Variants in SLC9A9 observed in about 807,000 individuals in gnomAD.
SLC9A9 encodes solute carrier family 9 member A9, also known as sodium/hydrogen exchanger 9.
A neutral mutation model predicts 77.8 loss-of-function variants in SLC9A9; 62 were observed. The observed-to-expected ratio is 0.80, with a 90% CI of 0.65 to 0.98. The LOEUF (loss-of-function observed/expected upper bound fraction) is 0.98, where lower values mean the gene tolerates loss of function less well. Ranked by LOEUF, SLC9A9 falls within the 50% of genes least tolerant of loss-of-function variation. The pLI is 0.00. For missense variants in SLC9A9, 775 were observed against 774.9 expected (o/e 1.00, Z 0.00); for synonymous variants, 320 against 283.5 (o/e 1.13, Z -1.29).
In SLC9A9 at chr3:143,644,086, G is replaced by A. The variant is rs189317973; in HGVS notation, c.755+8169C>T. On this transcript the variant is annotated intron_variant, in intron 6 of 15. Transcript: ENST00000316549. Reference sequence around the variant, plus strand: ...ATGAGGCTAGCACTCAGAGACAATCGGGGCCAAGAGAGAAAAAGAACAGAT... The same window carrying A: ...ATGAGGCTAGCACTCAGAGACAATCAGGGCCAAGAGAGAAAAAGAACAGAT... Among the ~76,000 whole-genome samples the A allele has an allele frequency of 6.6e-4, 100 of 152,116 alleles. 1 individual carries two copies. The highest frequency in any genetic ancestry group is 2.2e-3 in the African/African-American group (91 of 41,490).
chr3:143,535,279 T>C (rs370379542), intron 9 of SLC9A9, among the ~76,000 whole-genome samples: 107 of 152,326 alleles, frequency 7.0e-4, no homozygotes, highest in African/African-American at 2.5e-3. Context: ...TTAGAGTTCT[T>C]TCATGAAAGT....
At chr3:143,347,767 G>C (rs964248978) in intron 14 of SLC9A9, among the ~76,000 whole-genome samples, 5 of 152,094 alleles carry the variant, frequency 3.3e-5, no homozygotes, top group African/African-American at 1.2e-4. Context: ...CCAAATACTT[G>C]AGATGTATTT....
chr3:143,348,555 G>A (rs914370266), intron 14 of SLC9A9, among the ~76,000 whole-genome samples: 2 of 152,086 alleles, frequency 1.3e-5, no homozygotes, highest in African/African-American at 4.8e-5. Context: ...AGAGGGCTAG[G>A]CATCTCTTTT....
chr3:143,817,203 C>T (rs2009042039), intron 2 of SLC9A9, among the ~76,000 whole-genome samples: 1 of 148,570 alleles, frequency 6.7e-6, no homozygotes, highest in African/African-American at 2.5e-5. Flanking sequence ...CTGCGGACTG[C>T]AGTGGTGCAA....
At chr3:143,426,049 G>A (rs183324782) in intron 12 of SLC9A9, among the ~76,000 whole-genome samples, 119 of 151,642 alleles carry the variant, frequency 7.8e-4, no homozygotes, top group African/African-American at 2.8e-3. Context: ...ACATAATGGT[G>A]TCAGCTCTTT....
chr3:143,683,676 A>C (rs1395785447), intron 5 of SLC9A9, among the ~76,000 whole-genome samples: 2 of 152,156 alleles, frequency 1.3e-5, no homozygotes, highest in African/African-American at 4.8e-5. Flanking sequence ...ACCAAAGTAC[A>C]TAGGGGTAAA....
intron 12 of SLC9A9, among the ~76,000 whole-genome samples, chr3:143,451,145 G>C (rs554622721): frequency 2.6e-5 from 4 of 151,470 alleles, no homozygotes; most frequent in African/African-American, 9.7e-5. Context: ...TGCAAATCTA[G>C]CACTGGCAAG....
At chr3:143,552,198 T>C (rs1439853511) in intron 9 of SLC9A9, among the ~76,000 whole-genome samples, 164 bp downstream of exon 9, 1 of 152,204 alleles carries the variant, frequency 6.6e-6, no homozygotes, top group Non-Finnish European at 1.5e-5. Flanking sequence ...TGTTAATGGT[T>C]ATCCTGGAGG....
intron 6 of SLC9A9, among the ~76,000 whole-genome samples, chr3:143,589,510 T>G (rs2108676763): frequency 6.6e-6 from 1 of 152,264 alleles, no homozygotes; most frequent in East Asian, 1.9e-4. Flanking sequence ...CCTACAATAT[T>G]AGTATAATAA....
At chr3:143,646,944 G>C (rs2038716678) in intron 6 of SLC9A9, among the ~76,000 whole-genome samples, 1 of 152,090 alleles carries the variant, frequency 6.6e-6, no homozygotes, top group South Asian at 2.1e-4. Context: ...TATTAGTAAA[G>C]CTGATCTTAT....
intron 6 of SLC9A9, among the ~76,000 whole-genome samples, chr3:143,618,244 G>T (rs545011003): frequency 1.5e-4 from 23 of 152,244 alleles, no homozygotes; most frequent in Non-Finnish European, 1.9e-4. Context: ...TACTTTATGT[G>T]GCCAACTGAT....
At chr3:143,529,668 G>T (rs1192678277) in intron 9 of SLC9A9, among the ~76,000 whole-genome samples, 3 of 152,122 alleles carry the variant, frequency 2.0e-5, no homozygotes, top group African/African-American at 7.2e-5. Context: ...ATGATTACTG[G>T]CTTCTAGGGA....
intron 2 of SLC9A9, among the ~76,000 whole-genome samples, chr3:143,814,191 GA>G (rs2008944005): frequency 6.6e-6 from 1 of 152,146 alleles, no homozygotes; most frequent in Non-Finnish European, 1.5e-5. Context: ...GACTCAGCAG[GA>G]GTAAGAGGGG....
At chr3:143,692,037 CA>C (rs1198246907) in intron 5 of SLC9A9, among the ~76,000 whole-genome samples, 2 of 151,958 alleles carry the variant, frequency 1.3e-5, no homozygotes, top group African/African-American at 2.4e-5. Flanking sequence ...GTAATCATAC[CA>C]AAAAAGTTGA....
chr3:143,357,981 TA>T (rs35335097), intron 14 of SLC9A9, among the ~76,000 whole-genome samples: 5,804 of 151,166 alleles, frequency 0.038, 179 homozygotes, highest in East Asian at 0.17. Flanking sequence ...GTGTGGGATA[TA>T]AAAAAATTCT....
At chr3:143,840,107 T>TTTA (rs1170943449) in intron 1 of SLC9A9, among the ~76,000 whole-genome samples, 5 of 152,200 alleles carry the variant, frequency 3.3e-5, no homozygotes, top group Non-Finnish European at 7.3e-5. Context: ...AAAACACAGT[T>TTTA]TACCGGGCCG....
At chr3:143,475,448 T>C (rs181928976) in intron 11 of SLC9A9, among the ~76,000 whole-genome samples, 12 of 152,122 alleles carry the variant, frequency 7.9e-5, no homozygotes, top group Admixed American at 3.3e-4. Context: ...CTGCAAGCAA[T>C]GGATGAATCC....
At chr3:143,708,903 A>T (rs1201058754) in intron 4 of SLC9A9, among the ~76,000 whole-genome samples, 3 of 152,222 alleles carry the variant, frequency 2.0e-5, no homozygotes, top group Non-Finnish European at 2.9e-5. Flanking sequence ...ATGACAATTC[A>T]GTAAGCAAGC....
chr3:143,639,943 A>G (rs7613679), intron 6 of SLC9A9, among the ~76,000 whole-genome samples: 112,165 of 151,686 alleles, frequency 0.74, 41,581 homozygotes, highest in Middle Eastern at 0.78. Context: ...GTACCTTGAC[A>G]ATAGAAAGAA....
Sources: gnomAD v4.1 joint callset for allele counts (sites outside exome capture counted in the v4.1 genomes callset) on GRCh38, gnomAD v4.1.1 for gene constraint, MANE v1.5 for transcripts, NCBI Gene and HGNC (gene_info 2026-07-23, HGNC 2026-07-21) for gene names.